CPNE2: variants seen among roughly 807,000 people sequenced by gnomAD.
CPNE2 encodes copine 2, also known as copine-2.
A neutral mutation model predicts 69.7 loss-of-function variants in CPNE2; 42 were observed. That is an observed-to-expected ratio of 0.60 (90% CI 0.47 to 0.78). The LOEUF (loss-of-function observed/expected upper bound fraction) is 0.78, where lower values mean the gene tolerates loss of function less well. CPNE2 is among the 30% of genes least tolerant of loss of function. CPNE2 has a pLI of 0.00. For missense variants in CPNE2, 587 were observed against 732.0 expected (o/e 0.80, Z 2.29); for synonymous variants, 294 against 289.8 (o/e 1.01, Z -0.15).
intron 10 of CPNE2, 63 bp downstream of exon 10, chr16:57,123,536 T>G (rs529278663): frequency 6.4e-7 from 1 of 1,550,426 alleles, no homozygotes; most frequent in Non-Finnish European, 8.9e-7. Flanking sequence ...CCCTGAAGAC[T>G]TGGGCCACTA....
chr16:57,106,778 G>A (rs963811656), intron 1 of CPNE2, among the ~76,000 whole-genome samples: 5 of 152,176 alleles, frequency 3.3e-5, no homozygotes, highest in African/African-American at 1.2e-4. Context: ...AGGAACTGGT[G>A]AACTTGGATA....
intron 1 of CPNE2, among the ~76,000 whole-genome samples, chr16:57,109,100 A>G (rs145744828): frequency 2.0e-4 from 31 of 152,372 alleles, no homozygotes; most frequent in Non-Finnish European, 4.0e-4. Context: ...GTCCCGATCC[A>G]GACCCCAAGA....
chr16:57,123,341 A>G, intron 9 of CPNE2, 73 bp from the exon 10 acceptor site: 1 of 1,502,590 alleles, frequency 6.7e-7, no homozygotes, highest in South Asian at 1.1e-5. Context: ...GTTGCAGGAC[A>G]TAGAGCAACA....
chr16:57,123,036 T>C (rs1047524443), intron 9 of CPNE2, among the ~76,000 whole-genome samples: 3 of 152,178 alleles, frequency 2.0e-5, no homozygotes, highest in Non-Finnish European at 2.9e-5. Context: ...AGGAAGGCCT[T>C]GAGCTGGAGG....
At chr16:57,114,906 G>A (rs1379685466) in intron 3 of CPNE2, among the ~76,000 whole-genome samples, 1 of 118,240 alleles carries the variant, frequency 8.5e-6, no homozygotes, top group Admixed American at 1.1e-4. Context: ...AGACCAGCCT[G>A]AGCAACATAA....
Position 57,130,617 on chromosome 16 carries a change from G to A in CPNE2, c.1116+2714G>A, listed in dbSNP as rs570624626. Among the ~76,000 whole-genome samples, 33 of 152,134 alleles carry A rather than the reference G, an allele frequency of 2.2e-4. No individual in the cohort carries two copies. Among genetic ancestry groups the A allele is most frequent in the Middle Eastern group, 3.4e-3 (1 of 294 alleles). On this transcript the variant is annotated intron_variant, in intron 12 of 15. Coordinates refer to ENST00000290776, the MANE Select transcript of CPNE2 (RefSeq NM_152727.6). This position sits in a 1 kb window ranked among gnomAD's most constrained non-coding sequence, Gnocchi z 4.1. ...GCCCTGTTATGAACCCATTTTGATCGTTGAGGAAGCCAAGCAGTCAGGGCT... is the reference window on the plus strand; with the variant it reads ...GCCCTGTTATGAACCCATTTTGATCATTGAGGAAGCCAAGCAGTCAGGGCT...
At chr16:57,134,022 T>C (rs1211941949) in intron 12 of CPNE2, among the ~76,000 whole-genome samples, 1 of 152,180 alleles carries the variant, frequency 6.6e-6, no homozygotes, top group African/African-American at 2.4e-5. Flanking sequence ...CTGCAGGCAC[T>C]GCAGTCTCAC....
intron 1 of CPNE2, among the ~76,000 whole-genome samples, chr16:57,095,118 C>T (rs1339254144): frequency 6.6e-6 from 1 of 152,212 alleles, no homozygotes; most frequent in Non-Finnish European, 1.5e-5. Context: ...CAGCTCCTTC[C>T]CCCTTGCAGA....
intron 5 of CPNE2, 106 bp from the exon 6 acceptor site, chr16:57,119,089 G>A: frequency 1.0e-6 from 1 of 996,672 alleles, no homozygotes; most frequent in Non-Finnish European, 1.6e-6. Context: ...TCTGCCCACA[G>A]CTCCTATCCT....
rs115905997 is a variant in CPNE2 at position 57,138,343 on chromosome 16, C to G, written c.1302+1061C>G. ...GCCACAGGTCTCTCAGTGGACCCTGCAGCTGCCTTCACCACTCCTCACACC... is the reference window on the plus strand; with the variant it reads ...GCCACAGGTCTCTCAGTGGACCCTGGAGCTGCCTTCACCACTCCTCACACC... On this transcript the variant is annotated intron_variant, in intron 14 of 15. Coordinates refer to ENST00000290776, the MANE Select transcript of CPNE2 (RefSeq NM_152727.6). 5.3e-5 allele frequency among the ~76,000 whole-genome samples: 8 copies of G among 152,166 alleles called. No individual in the cohort carries two copies. The South Asian group carries it at 1.2e-3, about 24-fold the overall frequency.
intron 12 of CPNE2, 35 bp downstream of exon 12, chr16:57,127,938 A>G (rs760446905): frequency 5.6e-6 from 9 of 1,610,522 alleles, no homozygotes; most frequent in Admixed American, 1.7e-5. Context: ...CTTTTGGTTG[A>G]GATGGGGTTT....
chr16:57,147,271 G>A (rs1426489162), intron 15 of CPNE2: 4 of 330,880 alleles, frequency 1.2e-5, no homozygotes, highest in African/African-American at 2.1e-5. Context: ...GGTGCTTCCC[G>A]CAGACGGAGT....
chr16:57,096,356 C>G (rs2069577955), intron 1 of CPNE2, among the ~76,000 whole-genome samples: 1 of 152,176 alleles, frequency 6.6e-6, no homozygotes, highest in African/African-American at 2.4e-5. Flanking sequence ...ATTCACTGCA[C>G]TCTTACAATA....
In CPNE2 at chr16:57,145,182, CACA is replaced by C. The variant is rs573703171; in HGVS notation, c.1303-898_1303-896del. Among the ~76,000 whole-genome samples the C allele has an allele frequency of 5.3e-5, 8 of 152,248 alleles. No homozygotes were observed. In the East Asian group the frequency reaches 1.5e-3, roughly 29 times the overall value. Reference sequence around the variant, plus strand: ...ATAAATAGAGAGTAACAAAAATAAACACAACAAGCTGTACAATGGTATTAAAGC... The same window carrying C: ...ATAAATAGAGAGTAACAAAAATAAACACAAGCTGTACAATGGTATTAAAGC... On this transcript the variant is annotated intron_variant, in intron 14 of 15. Transcript: ENST00000290776.
Position 57,130,780 on chromosome 16 carries a change from A to ATCAGCCAGTGTGGCAG in CPNE2, c.1116+2886_1116+2901dup, listed in dbSNP as rs1376942017. ...GGGGAGGGGAGAAGGGCATGGAGAC[A>ATCAGCCAGTGTGGCAG]TCAGCCAGTGTGGCAGTCAGCCAGC... On this transcript the variant is annotated intron_variant, in intron 12 of 15. Coordinates refer to ENST00000290776, the MANE Select transcript of CPNE2 (RefSeq NM_152727.6). The surrounding 1 kb of genome is among the most constrained non-coding windows in gnomAD (Gnocchi z 4.1). Among the ~76,000 whole-genome samples the ATCAGCCAGTGTGGCAG allele has an allele frequency of 1.3e-4, 20 of 151,998 alleles. No individual in the cohort carries two copies. Among genetic ancestry groups the ATCAGCCAGTGTGGCAG allele is most frequent in the Admixed American group, 1.1e-3 (17 of 15,266 alleles).
intron 1 of CPNE2, among the ~76,000 whole-genome samples, chr16:57,096,289 G>T (rs1362696612): frequency 5.9e-5 from 9 of 152,198 alleles, no homozygotes; most frequent in Admixed American, 5.9e-4. Flanking sequence ...CCAGTGTGTG[G>T]TGCTCAACTA....
intron 1 of CPNE2, among the ~76,000 whole-genome samples, chr16:57,099,261 C>A (rs35502368): frequency 6.6e-6 from 1 of 152,162 alleles, no homozygotes; most frequent in Non-Finnish European, 1.5e-5. Flanking sequence ...GAGACCCATC[C>A]GTGTTATTGC....
At chr16:57,114,811 G>C (rs1270741107) in intron 3 of CPNE2, among the ~76,000 whole-genome samples, 2 of 151,966 alleles carry the variant, frequency 1.3e-5, no homozygotes, top group African/African-American at 4.8e-5. Flanking sequence ...AAAATAGAAA[G>C]AATTGGCCGG....
chr16:57,119,588 T>G lies in CPNE2; in HGVS notation c.619T>G (p.Trp207Gly). 1 of 1,613,084 alleles carries G rather than the reference T, an allele frequency of 6.2e-7. No individual in the cohort carries two copies. The highest frequency in any genetic ancestry group is 8.5e-7 in the Non-Finnish European group (1 of 1,179,626). Reference protein sequence around the residue: ...EVIKYTLDPVWKPFTVPLVSL... With the variant: ...EVIKYTLDPVGKPFTVPLVSL... ...GATCAAGTACACACTGGACCCTGTG[T>G]GGAAGCCATTCACAGTGCCCTTGGT... Residue 207 changes from tryptophan to glycine, a missense_variant, in exon 7 of 16, where the codon TGG becomes GGG. This residue lies in a region of CPNE2 where 269 missense variants were observed against 300.5 expected (regional missense o/e 0.90). Coordinates refer to ENST00000290776, the MANE Select transcript of CPNE2 (RefSeq NM_152727.6).
Sources: gnomAD v4.1 joint callset for allele counts (sites outside exome capture counted in the v4.1 genomes callset) on GRCh38, gnomAD v4.1.1 for gene constraint, gnomAD v4.1.1 regional missense constraint, Gnocchi (gnomAD v3.1) non-coding constraint, MANE v1.5 for transcripts, NCBI Gene and HGNC (gene_info 2026-07-23, HGNC 2026-07-21) for gene names.